The following LARGE1 variants were observed in gnomAD, a reference collection of about 807,000 sequenced individuals.
LARGE1 encodes the protein xylosyl- and glucuronyltransferase LARGE1.
LARGE1 carries 43 observed loss-of-function variants against 87.6 expected under a neutral mutation model. That is an observed-to-expected ratio of 0.49 (90% CI 0.38 to 0.63). The LOEUF is 0.63. Among genes scored for constraint, LARGE1 ranks in the 30% least tolerant of loss-of-function variants. The pLI is 0.00. For synonymous variants in LARGE1, 434 were observed against 394.6 expected, an observed-to-expected ratio of 1.10 and a Z score of -1.18; for missense variants, 802 against 1,000.2, an observed-to-expected ratio of 0.80 and a Z score of 2.67.
At chr22:33,778,691 C>G (rs1193471965) in intron 1 of LARGE1, among the ~76,000 whole-genome samples, 1 of 152,110 alleles carries the variant, frequency 6.6e-6, no homozygotes, top group East Asian at 1.9e-4. Flanking sequence ...CGCTCTGTCG[C>G]CCAGACTGGA....
intron 1 of LARGE1, among the ~76,000 whole-genome samples, chr22:33,896,211 T>C (rs1214919597): frequency 6.6e-6 from 1 of 152,226 alleles, no homozygotes; most frequent in Non-Finnish European, 1.5e-5. Context: ...GACTGACTCA[T>C]TTAACTCAGC....
intron 11 of LARGE1, among the ~76,000 whole-genome samples, chr22:33,310,560 G>C (rs920452242): frequency 6.6e-6 from 1 of 152,128 alleles, no homozygotes; most frequent in African/African-American, 2.4e-5. Context: ...GGAGTGCGAA[G>C]GCCGGCTCTC....
intron 1 of LARGE1, among the ~76,000 whole-genome samples, chr22:33,827,235 T>C (rs1420803125): frequency 1.3e-5 from 2 of 150,344 alleles, no homozygotes; most frequent in African/African-American, 2.4e-5. Context: ...CTGGGCATGA[T>C]GGCAGGCACC....
intron 1 of LARGE1, among the ~76,000 whole-genome samples, chr22:33,827,396 G>A (rs1244658403): frequency 6.6e-6 from 1 of 151,750 alleles, no homozygotes; most frequent in African/African-American, 2.4e-5. Context: ...TGAAAAGAAG[G>A]TCCTATTACC....
At chr22:33,119,104 G>C in the LARGE1 span, among the ~76,000 whole-genome samples, 5 of 152,200 alleles carry the variant, frequency 3.3e-5, no homozygotes, top group African/African-American at 9.7e-5. Flanking sequence ...GGTCTCTCGA[G>C]AGTTTTGCTA....
chr22:33,798,823 CG>C (rs1242973091), intron 1 of LARGE1, among the ~76,000 whole-genome samples: 14 of 152,166 alleles, frequency 9.2e-5, no homozygotes, highest in Non-Finnish European at 1.8e-4. Context: ...ATCTTTCATC[CG>C]GAGGAATCCT....
Position 33,208,583 on chromosome 22 carries a change from T to TA in LARGE1, c.1731-41752_1731-41751insT, listed in dbSNP as rs893721737. Among the ~76,000 whole-genome samples, 6 of 152,158 alleles carry TA rather than the reference T, an allele frequency of 3.9e-5. No homozygotes were observed. The East Asian group carries it at 7.7e-4, about 20-fold the overall frequency. ...CTTTAAAAACAAGTCACTTTTTTTT[T>TA]TTATTATACTTTAAGTTCTGGGGTA... On this transcript the variant is annotated intron_variant, in intron 11 of 11. Coordinates refer to the LARGE1 transcript ENST00000608642.
chr22:33,898,059 C>T (rs1025303081), intron 1 of LARGE1, among the ~76,000 whole-genome samples: 3 of 152,216 alleles, frequency 2.0e-5, no homozygotes, highest in Non-Finnish European at 4.4e-5. Context: ...TCAGCATACA[C>T]GTGGCCACAG....
At chr22:33,359,853 C>T (rs60135510) in intron 9 of LARGE1, among the ~76,000 whole-genome samples, 3,347 of 149,340 alleles carry the variant, frequency 0.022, 266 homozygotes, top group African/African-American at 0.078. Context: ...CGTGAGCCAC[C>T]GCACCCAGCC....
At chr22:33,453,121 A>C (rs186797739) in intron 6 of LARGE1, among the ~76,000 whole-genome samples, 141 of 152,326 alleles carry the variant, frequency 9.3e-4, no homozygotes, top group African/African-American at 3.4e-3. Context: ...AGACATTGAA[A>C]GGTTGTTGTT....
At chr22:33,237,627 T>TG (rs1255310495) in intron 11 of LARGE1, among the ~76,000 whole-genome samples, 1 of 152,158 alleles carries the variant, frequency 6.6e-6, no homozygotes, top group Non-Finnish European at 1.5e-5. Flanking sequence ...TCACCACTTG[T>TG]GGAAAAAAGT....
intron 6 of LARGE1, among the ~76,000 whole-genome samples, chr22:33,533,685 C>T (rs1204827122): frequency 6.6e-6 from 1 of 152,170 alleles, no homozygotes; most frequent in Admixed American, 6.5e-5. Context: ...AGTCTAAAGT[C>T]ATCTAAAAGA....
At chr22:33,279,095 CTGAA>C (rs753823400) in intron 13 of LARGE1, among the ~76,000 whole-genome samples, 15 of 152,078 alleles carry the variant, frequency 9.9e-5, no homozygotes, top group Non-Finnish European at 1.9e-4. Flanking sequence ...GTGCACTAAA[CTGAA>C]TGAATGAATG....
At chr22:33,612,599 C>T (rs998418358) in intron 4 of LARGE1, among the ~76,000 whole-genome samples, 1 of 152,132 alleles carries the variant, frequency 6.6e-6, no homozygotes, top group African/African-American at 2.4e-5. Context: ...TGTGAAAGAA[C>T]AATAGTCATA....
intron 7 of LARGE1, among the ~76,000 whole-genome samples, chr22:33,389,337 C>T (rs1205133481): frequency 2.0e-5 from 3 of 152,218 alleles, no homozygotes; most frequent in African/African-American, 7.2e-5. Context: ...ATTCTTAAAA[C>T]CCACTGGGAG....
At chr22:33,331,035 C>G (rs1937628656) in intron 10 of LARGE1, among the ~76,000 whole-genome samples, 1 of 152,160 alleles carries the variant, frequency 6.6e-6, no homozygotes, top group Non-Finnish European at 1.5e-5. Flanking sequence ...ACCAGAGTTG[C>G]TAATAAAACC....
chr22:33,823,545 C>T (rs1444230620), intron 1 of LARGE1, among the ~76,000 whole-genome samples: 2 of 152,222 alleles, frequency 1.3e-5, no homozygotes, highest in African/African-American at 4.8e-5. Context: ...TCCAGCCACA[C>T]TTCCAGAACA....
At chr22:33,102,145 G>A in the LARGE1 span, among the ~76,000 whole-genome samples, 4 of 147,972 alleles carry the variant, frequency 2.7e-5, no homozygotes, top group Admixed American at 7.0e-5. Context: ...TGATGTTCAC[G>A]GGCCCCAGTC....
chr22:33,454,572 T>C (rs1424719445), intron 6 of LARGE1, among the ~76,000 whole-genome samples: 1 of 149,300 alleles, frequency 6.7e-6, no homozygotes, highest in African/African-American at 2.5e-5. Context: ...TGAGCCGAGA[T>C]TGAGCCACTG....
Sources: allele counts gnomAD v4.1 joint callset (sites outside exome capture counted in the v4.1 genomes callset), GRCh38; gene constraint gnomAD v4.1.1; transcripts MANE v1.5; gene names NCBI Gene and HGNC (gene_info 2026-07-23, HGNC 2026-07-21).